The following B3GALNT2 variants were observed in gnomAD, a reference collection of about 807,000 sequenced individuals.
B3GALNT2 encodes the protein UDP-GalNAc:beta-1,3-N-acetylgalactosaminyltransferase 2.
In B3GALNT2, 53 loss-of-function variants were observed where a neutral mutation model predicts 61.1. The ratio of observed to expected loss-of-function variants is 0.87; its 90% CI spans 0.70 to 1.09. The LOEUF is 1.09. B3GALNT2 is among the 50% of genes least tolerant of loss of function. The pLI, the probability that B3GALNT2 is intolerant of heterozygous loss-of-function variation, is 0.00. For missense variants in B3GALNT2, 544 were observed against 623.0 expected (o/e 0.87, Z 1.35); for synonymous variants, 223 against 237.4 (o/e 0.94, Z 0.56).
At chr1:235,443,278 G>A (rs1014175769), downstream of B3GALNT2, among the ~76,000 whole-genome samples, 4 of 151,872 alleles carry the variant, frequency 2.6e-5, no homozygotes, top group Non-Finnish European at 4.4e-5. Flanking sequence ...CTCAGCTCAC[G>A]GCAGCCTCTG....
At chr1:235,469,975 G>A (rs1057255387) in intron 6 of B3GALNT2, among the ~76,000 whole-genome samples, 2 of 152,038 alleles carry the variant, frequency 1.3e-5, no homozygotes, top group Non-Finnish European at 2.9e-5. Flanking sequence ...TCAGCTCACT[G>A]GAACTTCTGC....
chr1:235,504,424 G>A lies in B3GALNT2; in HGVS notation c.-172C>T. 3 of 676,120 alleles carry A rather than the reference G, an allele frequency of 4.4e-6. No homozygotes were observed. The highest frequency in any genetic ancestry group is 6.6e-6 in the Non-Finnish European group (3 of 457,576). 41.9% of individuals were successfully genotyped at this position (676,120 alleles called of 1,614,324 possible). On this transcript the variant is annotated 5_prime_UTR_variant, in exon 1 of 12. Transcript: ENST00000366600. ...CGCAGCTCCCGGCCCCGCTCCTCCG[G>A]TCCCTCAGACCGCGGGTGGCCGCGG...
At chr1:235,471,823 C>T (rs544405378) in intron 5 of B3GALNT2, among the ~76,000 whole-genome samples, 1 of 152,252 alleles carries the variant, frequency 6.6e-6, no homozygotes, top group South Asian at 2.1e-4. Context: ...CTATCACGCC[C>T]GGTTAATTTT....
At chr1:235,442,708 A>C, downstream of B3GALNT2, 2 of 726,062 alleles carry the variant, frequency 2.8e-6, no homozygotes, top group Non-Finnish European at 4.8e-6. Context: ...TGGAAGGATT[A>C]ATAGAAAGAA....
intron 5 of B3GALNT2, among the ~76,000 whole-genome samples, chr1:235,475,999 T>C (rs887725761): frequency 1.3e-5 from 2 of 152,112 alleles, no homozygotes; most frequent in Non-Finnish European, 2.9e-5. Context: ...CTGCTTGTTT[T>C]TTAAAAGAAA....
Position 235,489,219 on chromosome 1 carries a change from C to T in B3GALNT2, c.310G>A (p.Glu104Lys), listed in dbSNP as rs1398848730. The T allele has an allele frequency of 1.2e-6, 2 of 1,613,900 alleles. No individual in the cohort carries two copies. Among genetic ancestry groups the T allele is most frequent in the Non-Finnish European group, 1.7e-6 (2 of 1,179,990 alleles). The change falls in exon 3 of 12, where the codon GAA (glutamate) becomes AAA (lysine). Residue 104 changes from glutamate to lysine, a missense_variant. Transcript: ENST00000366600. ...IGAHGCEVPV[E>K]DREDPYSCKL... ...CAGGAATAAGGATCCTCCCTGTCTT[C>T]CACAGGCACTTCACAGCCATGAGCA... is the stretch of plus-strand genomic sequence containing the variant.
intron 2 of B3GALNT2, among the ~76,000 whole-genome samples, chr1:235,494,280 C>T (rs1685209443): frequency 1.5e-5 from 1 of 65,384 alleles, no homozygotes; most frequent in South Asian, 3.5e-4. Flanking sequence ...TATCTAAATA[C>T]TACACGTTAA....
intron 8 of B3GALNT2, among the ~76,000 whole-genome samples, chr1:235,456,119 T>C (rs1177316378): frequency 6.6e-6 from 1 of 152,230 alleles, no homozygotes; most frequent in Admixed American, 6.5e-5. Flanking sequence ...TTGTACAAGA[T>C]GCATCCGATG....
At chr1:235,471,063 G>C in intron 5 of B3GALNT2, 103 bp from the exon 6 acceptor site, 1 of 1,525,106 alleles carries the variant, frequency 6.6e-7, no homozygotes, top group Non-Finnish European at 8.8e-7. Context: ...TTCCCAAAAC[G>C]TATCATTTAA....
At chr1:235,474,156 C>T (rs189313554) in intron 5 of B3GALNT2, among the ~76,000 whole-genome samples, 67 of 152,316 alleles carry the variant, frequency 4.4e-4, no homozygotes, top group Non-Finnish European at 5.0e-4. Context: ...TTCTATTCCT[C>T]ACCTCTGCTC....
At chr1:235,462,320 G>A (rs1325850726) in intron 7 of B3GALNT2, among the ~76,000 whole-genome samples, 1 of 152,164 alleles carries the variant, frequency 6.6e-6, no homozygotes, top group African/African-American at 2.4e-5. Flanking sequence ...TCAGGAAAAT[G>A]AAAGGATGTC....
chr1:235,503,243 T>C (rs181994903), intron 1 of B3GALNT2, among the ~76,000 whole-genome samples: 1 of 152,232 alleles, frequency 6.6e-6, no homozygotes, highest in Non-Finnish European at 1.5e-5. Flanking sequence ...AAATTAAGTA[T>C]TACATAATAT....
intron 2 of B3GALNT2, among the ~76,000 whole-genome samples, chr1:235,493,471 C>T (rs1318721266): frequency 6.6e-6 from 1 of 152,108 alleles, no homozygotes; most frequent in Non-Finnish European, 1.5e-5. Context: ...GTAAGCACTA[C>T]TAGTGACAAG....
In B3GALNT2 at chr1:235,465,676, A is replaced by T; in HGVS notation, c.801T>A (p.Gly267=). Residue 267 remains glycine, a synonymous_variant, in exon 7 of 12, where the codon GGT becomes GGA. Transcript: ENST00000366600. The stretch of plus-strand genomic sequence containing the variant: ...TAAAACCACCTGCAACTCCCTCCAC[A>T]CCTTCCAAGAATTCATGAGGCAATG... ...EGALPHEFLE[G]VEGVAGGFIY... is the part of the protein sequence containing the mutation. 6.2e-7 allele frequency: 1 copy of T among 1,614,028 alleles called. No homozygotes were observed. The highest frequency in any genetic ancestry group is 1.1e-5 in the South Asian group (1 of 91,066).
rs375401997 is a variant in B3GALNT2 at position 235,501,117 on chromosome 1, CA to C, written c.112+3023del. The stretch of plus-strand genomic sequence containing the variant: ...CCTAGAAAGCGAAGCCTTCTTTTGT[CA>C]CATCATTTTTCTAAATTAACCGTTA... On this transcript the variant is annotated intron_variant, in intron 1 of 11. Coordinates refer to ENST00000366600, the MANE Select transcript of B3GALNT2 (RefSeq NM_152490.5). Among the ~76,000 whole-genome samples, 402 of 152,268 alleles carry C rather than the reference CA, an allele frequency of 2.6e-3. 1 individual carries two copies. The highest frequency in any genetic ancestry group is 9.5e-3 in the African/African-American group (394 of 41,538).
chr1:235,492,190 T>C (rs1447878462), intron 2 of B3GALNT2, among the ~76,000 whole-genome samples: 2 of 152,170 alleles, frequency 1.3e-5, no homozygotes, highest in Admixed American at 6.5e-5. Flanking sequence ...TGTTACTAAT[T>C]ACCAATTAAG....
In B3GALNT2 at chr1:235,489,221, A is replaced by G; in HGVS notation, c.308T>C (p.Val103Ala). Residue 103 changes from valine to alanine, a missense_variant, in exon 3 of 12, where the codon GTG (valine) becomes GCG (alanine). Transcript: ENST00000366600. ...GGAATAAGGATCCTCCCTGTCTTCCACAGGCACTTCACAGCCATGAGCACC... is the reference window on the plus strand; with the variant it reads ...GGAATAAGGATCCTCCCTGTCTTCCGCAGGCACTTCACAGCCATGAGCACC... ...IIGAHGCEVP[V>A]EDREDPYSCK... The G allele has an allele frequency of 6.2e-7, 1 of 1,614,100 alleles. No individual in the cohort carries two copies. The highest frequency in any genetic ancestry group is 8.5e-7 in the Non-Finnish European group (1 of 1,180,006).
At chr1:235,446,972 A>C (rs1443680546), downstream of B3GALNT2, among the ~76,000 whole-genome samples, 1 of 152,056 alleles carries the variant, frequency 6.6e-6, no homozygotes, top group African/African-American at 2.4e-5. Context: ...GGCCAGGCAG[A>C]TTTCTTATTA....
chr1:235,481,923 C>T (rs755862948), intron 4 of B3GALNT2, among the ~76,000 whole-genome samples: 3 of 152,016 alleles, frequency 2.0e-5, no homozygotes, highest in Non-Finnish European at 1.5e-5. Flanking sequence ...CATCAACAAA[C>T]GAGACAGATT....
Sources: gnomAD v4.1 joint callset for allele counts (sites outside exome capture counted in the v4.1 genomes callset) on GRCh38, gnomAD v4.1.1 for gene constraint, MANE v1.5 for transcripts, NCBI Gene and HGNC (gene_info 2026-07-23, HGNC 2026-07-21) for gene names.